CLEC2A: variants seen among roughly 807,000 people sequenced by gnomAD.
CLEC2A encodes the protein C-type lectin domain family 2 member A.
Under a neutral mutation model 18.6 loss-of-function variants are expected in CLEC2A, and 19 were observed. The ratio of observed to expected loss-of-function variants is 1.02; its 90% confidence interval spans 0.71 to 1.50. The LOEUF (loss-of-function observed/expected upper bound fraction) is 1.50. CLEC2A is among the 40% of genes most tolerant of loss of function. The probability of loss-of-function intolerance (pLI) is 0.00; values close to 1 mark genes in which losing one functional copy is unlikely to be tolerated. For missense variants in CLEC2A, 190 were observed against 207.9 expected, an observed-to-expected ratio of 0.91 and a Z score of 0.53; for synonymous variants, 74 against 64.0, an observed-to-expected ratio of 1.16 and a Z score of -0.75.
chr12:9,927,298 G>A (rs1367185734), intron 1 of CLEC2A, among the ~76,000 whole-genome samples: 1 of 152,060 alleles, frequency 6.6e-6, no homozygotes, highest in South Asian at 2.1e-4. Context: ...CATAGAAAAG[G>A]TACAGTGAAA....
chr12:9,918,853 T>C (rs1344909268), intron 3 of CLEC2A, among the ~76,000 whole-genome samples: 1 of 152,232 alleles, frequency 6.6e-6, no homozygotes, highest in Non-Finnish European at 1.5e-5. Flanking sequence ...GTATATTTAG[T>C]ACAGTCGATA....
At chr12:9,898,879 C>A (rs976925941) in exon 5 of CLEC2A, 1 of 710,690 alleles carries the variant, frequency 1.4e-6, no homozygotes, top group Non-Finnish European at 2.6e-6. Flanking sequence ...TTTGGGGAAA[C>A]GGCAGTCAGA....
chr12:9,889,757 T>A, the CLEC2A span, among the ~76,000 whole-genome samples: 355 of 151,876 alleles, frequency 2.3e-3, 1 homozygote, highest in African/African-American at 8.2e-3. Flanking sequence ...GGTAATACAG[T>A]GTGGAGGCAG....
the CLEC2A span, among the ~76,000 whole-genome samples, chr12:9,889,858 A>G: frequency 6.6e-6 from 1 of 152,078 alleles, no homozygotes; most frequent in African/African-American, 2.4e-5. Context: ...ATCAATATAT[A>G]AAGTTAAATA....
intron 4 of CLEC2A, among the ~76,000 whole-genome samples, chr12:9,901,651 G>A (rs947093119): frequency 2.0e-5 from 3 of 148,672 alleles, no homozygotes; most frequent in African/African-American, 7.6e-5. Flanking sequence ...GAAAAGCCAG[G>A]TGCCAGGGAA....
downstream of CLEC2A, among the ~76,000 whole-genome samples, chr12:9,912,906 T>G (rs1863009799): frequency 6.6e-6 from 1 of 152,192 alleles, no homozygotes; most frequent in African/African-American, 2.4e-5. Context: ...CTCTAGTTTT[T>G]CTTACTATCT....
chr12:9,932,289 A>G lies in CLEC2A; in HGVS notation c.41T>C (p.Phe14Ser). The change falls in exon 1 of 5, where the codon TTC becomes TCC. Residue 14 changes from phenylalanine to serine, a missense_variant. By Grantham distance (155) the Phe-to-Ser change is radical. Transcript: ENST00000455827. ...ATAAAACTTACCTATCCGATGTATG[A>G]AGCCATCAGCTCTGCCATCCCGCAG... ...PELRDGRADG[F>S]IHRIVPKLIQ... 2 of 1,551,580 alleles carry G rather than the reference A, an allele frequency of 1.3e-6. No homozygotes were observed. Among genetic ancestry groups the G allele is most frequent in the Non-Finnish European group, 1.7e-6 (2 of 1,146,606 alleles).
At chr12:9,903,966 T>C (rs1439842782) in intron 4 of CLEC2A, among the ~76,000 whole-genome samples, 1 of 152,202 alleles carries the variant, frequency 6.6e-6, no homozygotes, top group African/African-American at 2.4e-5. Flanking sequence ...GATGGCCAGT[T>C]GGATCAGAGT....
downstream of CLEC2A, among the ~76,000 whole-genome samples, chr12:9,910,985 T>C (rs1353394901): frequency 6.6e-6 from 1 of 152,204 alleles, no homozygotes; most frequent in Non-Finnish European, 1.5e-5. Flanking sequence ...CAAGGCAATT[T>C]ACTTCTGCAG....
At chr12:9,893,843 A>G (rs574799576), downstream of CLEC2A, among the ~76,000 whole-genome samples, 3 of 152,238 alleles carry the variant, frequency 2.0e-5, no homozygotes, top group Admixed American at 1.3e-4. Flanking sequence ...AGCTGATTTA[A>G]ATCTCATTTG....
Position 9,906,022 on chromosome 12 carries a change from T to TTAG in CLEC2A, c.411-7047_411-7046insCTA, listed in dbSNP as rs748093984. Among the ~76,000 whole-genome samples, 318 of 77,432 alleles carry TTAG rather than the reference T, an allele frequency of 4.1e-3. 2 individuals are homozygous for TTAG. Among genetic ancestry groups the TTAG allele is most frequent in the Middle Eastern group, 7.0e-3 (1 of 142 alleles). The allele number at this position is 77,432 out of a possible 152,430, so 50.8% of individuals were successfully genotyped here. A position where few individuals can be genotyped will look rare whatever the true frequency, so the allele number is the denominator to read the frequency against. On this transcript the variant is annotated intron_variant, in intron 4 of 4. Transcript: ENST00000339766. ...ATTTTCTTGGAGCCCACTTATTAGT[T>TTAG]TTGTTTTTTTTTTTTTTACATATTA... is the stretch of plus-strand genomic sequence containing the variant.
intron 1 of CLEC2A, among the ~76,000 whole-genome samples, chr12:9,930,966 A>T (rs1456573556): frequency 6.6e-6 from 1 of 151,342 alleles, no homozygotes; most frequent in East Asian, 1.9e-4. Context: ...TATTATTTTC[A>T]CTTGGTTTTT....
intron 1 of CLEC2A, among the ~76,000 whole-genome samples, chr12:9,928,151 A>G (rs765601744): frequency 6.6e-6 from 1 of 152,218 alleles, no homozygotes; most frequent in Non-Finnish European, 1.5e-5. Flanking sequence ...AAATTAAAAG[A>G]AAATGATAAA....
chr12:9,923,863 G>A (rs1235386273), intron 2 of CLEC2A, among the ~76,000 whole-genome samples: 1 of 152,058 alleles, frequency 6.6e-6, no homozygotes, highest in African/African-American at 2.4e-5. Context: ...TCACTCATAG[G>A]TGGGAATTGA....
At chr12:9,888,740 A>C in the CLEC2A span, 46 of 1,495,738 alleles carry the variant, frequency 3.1e-5, no homozygotes, top group Non-Finnish European at 4.1e-5. Flanking sequence ...CAGATAAAAA[A>C]ATGGATTTCT....
At chr12:9,924,949 G>A (rs1314875397) in intron 2 of CLEC2A, among the ~76,000 whole-genome samples, 1 of 152,178 alleles carries the variant, frequency 6.6e-6, no homozygotes, top group Non-Finnish European at 1.5e-5. Flanking sequence ...TATAGTCAAG[G>A]ATAGGTAGTT....
chr12:9,892,530 G>A, the CLEC2A span, among the ~76,000 whole-genome samples: 3 of 149,888 alleles, frequency 2.0e-5, no homozygotes, highest in East Asian at 2.0e-4. Flanking sequence ...AACCCTGCCC[G>A]ACTCCTGGAA....
At chr12:9,888,376 T>C in the CLEC2A span, among the ~76,000 whole-genome samples, 1 of 151,468 alleles carries the variant, frequency 6.6e-6, no homozygotes, top group East Asian at 1.9e-4. Context: ...TGTAGTCCCA[T>C]ATGCTCGGGA....
chr12:9,921,608 C>A (rs543388723), intron 3 of CLEC2A, among the ~76,000 whole-genome samples: 1 of 152,010 alleles, frequency 6.6e-6, no homozygotes, highest in African/African-American at 2.4e-5. Context: ...AACAAACAAA[C>A]AAAAAACAAA....
Sources: gnomAD v4.1 joint callset for allele counts (sites outside exome capture counted in the v4.1 genomes callset) on GRCh38, gnomAD v4.1.1 for gene constraint, MANE v1.5 for transcripts, NCBI Gene and HGNC (gene_info 2026-07-23, HGNC 2026-07-21) for gene names.